The following RSPO2 variants were observed in gnomAD, a reference collection of about 807,000 sequenced individuals.
RSPO2 encodes the protein R-spondin-2.
In RSPO2, 14 loss-of-function variants were observed where a neutral mutation model predicts 30.9. The ratio of observed to expected loss-of-function variants is 0.45; its 90% CI spans 0.30 to 0.71. The LOEUF is 0.71. Among genes scored for constraint, RSPO2 ranks in the 30% least tolerant of loss-of-function variants. The pLI is 0.08. For synonymous variants in RSPO2, 107 were observed against 96.4 expected (o/e 1.11, Z -0.64); for missense variants, 264 against 301.9 (o/e 0.87, Z 0.93).
intron 2 of RSPO2, among the ~76,000 whole-genome samples, chr8:108,017,559 T>C (rs955393709): frequency 6.6e-6 from 1 of 152,100 alleles, no homozygotes; most frequent in African/African-American, 2.4e-5. Flanking sequence ...AAAAGCATGT[T>C]ATGGAAAGTT....
intron 2 of RSPO2, among the ~76,000 whole-genome samples, chr8:107,997,567 C>A (rs1012150859): frequency 2.0e-5 from 3 of 152,136 alleles, no homozygotes; most frequent in Non-Finnish European, 2.9e-5. Context: ...GTGATTCTAG[C>A]ACAAACCCAC....
intron 5 of RSPO2, among the ~76,000 whole-genome samples, chr8:107,902,052 G>T (rs1811492445): frequency 6.6e-6 from 1 of 152,060 alleles, no homozygotes; most frequent in Admixed American, 6.5e-5. Context: ...CTCAACCTTT[G>T]TACACATAAG....
At chr8:107,994,459 G>A (rs530460575) in intron 2 of RSPO2, among the ~76,000 whole-genome samples, 39 of 151,960 alleles carry the variant, frequency 2.6e-4, no homozygotes, top group Admixed American at 2.0e-3. Context: ...AGCAAATGTC[G>A]AAATAGCATC....
intron 2 of RSPO2, among the ~76,000 whole-genome samples, chr8:108,019,677 C>T (rs1391552541): frequency 6.6e-6 from 1 of 152,104 alleles, no homozygotes; most frequent in East Asian, 1.9e-4. Flanking sequence ...TTATTTTTTT[C>T]GTTTGTTAAC....
chr8:107,906,379 A>T (rs59518104), intron 5 of RSPO2, among the ~76,000 whole-genome samples: 6 of 25,226 alleles, frequency 2.4e-4, no homozygotes, highest in East Asian at 6.2e-3. Context: ...TTTATTTTAG[A>T]AATAGCATTT....
rs562314980 is a variant in RSPO2 at position 108,065,812 on chromosome 8, C to T, written c.94+16733G>A. On this transcript the variant is annotated intron_variant, in intron 2 of 5. Transcript: ENST00000276659. ...CAGCACTTTGGGAGGCCAAGGTGGG[C>T]GGATCACCTGAGATCAGTAGTTCCA... Among the ~76,000 whole-genome samples, 12 of 152,168 alleles carry T rather than the reference C, an allele frequency of 7.9e-5. No individual in the cohort carries two copies. In the East Asian group the frequency reaches 1.9e-3, roughly 25 times the overall value.
At chr8:107,992,534 C>A (rs750982062) in intron 2 of RSPO2, among the ~76,000 whole-genome samples, 6 of 152,108 alleles carry the variant, frequency 3.9e-5, no homozygotes, top group Non-Finnish European at 8.8e-5. Flanking sequence ...AACAAACCTG[C>A]ACTTGTACCC....
intron 3 of RSPO2, among the ~76,000 whole-genome samples, chr8:107,978,022 A>G (rs1372025223): frequency 6.6e-6 from 1 of 152,070 alleles, no homozygotes; most frequent in Non-Finnish European, 1.5e-5. Context: ...ACATTTCTAA[A>G]CCTGAACTCC....
intron 5 of RSPO2, among the ~76,000 whole-genome samples, chr8:107,949,898 C>A (rs1025210647): frequency 1.3e-5 from 2 of 152,156 alleles, no homozygotes; most frequent in African/African-American, 2.4e-5. Flanking sequence ...CAGTATTACT[C>A]ATGCCACTAT....
At position 107,958,215 on chromosome 8, in the gene RSPO2, G is replaced by A. The variant is rs776068927; in HGVS notation, c.481C>T (p.Arg161Cys). 1.6e-5 allele frequency: 26 copies of A among 1,613,314 alleles called. No individual in the cohort carries two copies. Among genetic ancestry groups the A allele is most frequent in the Admixed American group, 1.3e-4 (8 of 59,950 alleles). The change falls in exon 5 of 6, where the codon CGC becomes TGC. Residue 161 changes from arginine to cysteine, a missense_variant. Physicochemically the swap from Arg to Cys is radical, Grantham distance 180. Transcript: ENST00000276659. ...AGACCCCATTTAAATCCACATGTGC[G>A]ATTATTTCTGCTACAAGTTCCCCAT... is the stretch of plus-strand genomic sequence containing the variant. Reference protein sequence around the residue: ...SEWGTCSRNNRTCGFKWGLET... With the variant: ...SEWGTCSRNNCTCGFKWGLET...
chr8:107,980,681 C>T (rs370881602), intron 3 of RSPO2, among the ~76,000 whole-genome samples: 6 of 152,266 alleles, frequency 3.9e-5, no homozygotes, highest in East Asian at 3.9e-4. Context: ...CCCTCATGCT[C>T]ATGCATTTCC....
At chr8:107,979,004 T>C (rs1814324647) in intron 3 of RSPO2, among the ~76,000 whole-genome samples, 1 of 152,126 alleles carries the variant, frequency 6.6e-6, no homozygotes, top group African/African-American at 2.4e-5. Context: ...CCAGTTAGAA[T>C]GGCAATCATT....
chr8:108,016,760 A>G lies in RSPO2; in HGVS notation c.95-27516T>C, dbSNP rs537544561. Reference sequence around the variant, plus strand: ...TTCATGGCTTGGAGCTGTCCTGGCAATAAGTTCTCATAAGATGTGGTTGTT... The same window carrying G: ...TTCATGGCTTGGAGCTGTCCTGGCAGTAAGTTCTCATAAGATGTGGTTGTT... On this transcript the variant is annotated intron_variant, in intron 2 of 5. Coordinates refer to ENST00000276659, the MANE Select transcript of RSPO2 (RefSeq NM_178565.5). Among the ~76,000 whole-genome samples, 106 of 152,176 alleles carry G rather than the reference A, an allele frequency of 7.0e-4. 1 individual carries two copies. The Middle Eastern group carries it at 0.01, about 15-fold the overall frequency.
intron 5 of RSPO2, among the ~76,000 whole-genome samples, chr8:107,952,931 AT>A (rs1813303717): frequency 6.6e-6 from 1 of 152,208 alleles, no homozygotes; most frequent in African/African-American, 2.4e-5. Context: ...ATACCCTAAA[AT>A]TAAAATAGTA....
At chr8:107,950,651 T>A (rs1300480775) in intron 5 of RSPO2, among the ~76,000 whole-genome samples, 4 of 151,862 alleles carry the variant, frequency 2.6e-5, no homozygotes, top group African/African-American at 9.7e-5. Flanking sequence ...AAACACAAGA[T>A]GATAGTATTA....
intron 2 of RSPO2, among the ~76,000 whole-genome samples, chr8:107,994,107 C>T (rs1014090586): frequency 2.0e-5 from 3 of 152,066 alleles, no homozygotes; most frequent in Admixed American, 1.3e-4. Flanking sequence ...ACCCTGTGCA[C>T]TAGTCAATTC....
At chr8:107,958,865 G>C (rs746137124) in intron 4 of RSPO2, among the ~76,000 whole-genome samples, 2 of 152,132 alleles carry the variant, frequency 1.3e-5, no homozygotes, top group Non-Finnish European at 2.9e-5. Flanking sequence ...TGTCCCTGCA[G>C]GGGACTTGAT....
intron 5 of RSPO2, among the ~76,000 whole-genome samples, chr8:107,936,137 A>G (rs1300480371): frequency 6.6e-6 from 1 of 152,042 alleles, no homozygotes; most frequent in Non-Finnish European, 1.5e-5. Flanking sequence ...GTATCCCATC[A>G]TTCTATTCTC....
intron 2 of RSPO2, among the ~76,000 whole-genome samples, chr8:108,003,311 ATT>A (rs869040336): frequency 4.9e-3 from 142 of 28,938 alleles, no homozygotes; most frequent in Non-Finnish European, 6.4e-3. Context: ...ATATATATAT[ATT>A]TTTTTTTTTT....
Sources: gnomAD v4.1 joint callset for allele counts (sites outside exome capture counted in the v4.1 genomes callset) on GRCh38, gnomAD v4.1.1 for gene constraint, MANE v1.5 for transcripts, NCBI Gene and HGNC (gene_info 2026-07-23, HGNC 2026-07-21) for gene names.